ADK: variants seen among roughly 807,000 people sequenced by gnomAD.
The protein encoded by ADK is N6,N6-dimethyladenosine kinase.
A neutral mutation model predicts 44.7 loss-of-function variants in ADK; 24 were observed. That is an observed-to-expected ratio of 0.54 (90% confidence interval 0.39 to 0.76). The LOEUF (loss-of-function observed/expected upper bound fraction) is 0.76, where lower values mean the gene tolerates loss of function less well. ADK is among the 30% of genes least tolerant of loss of function. The pLI, the probability that ADK is intolerant of heterozygous loss-of-function variation, is 0.00. For synonymous variants in ADK, 128 were observed against 142.6 expected, an observed-to-expected ratio of 0.90 and a Z score of 0.73; for missense variants, 321 against 425.1, an observed-to-expected ratio of 0.76 and a Z score of 2.15.
chr10:74,422,267 T>G (rs1844582118), intron 6 of ADK, among the ~76,000 whole-genome samples: 1 of 152,200 alleles, frequency 6.6e-6, no homozygotes, highest in Non-Finnish European at 1.5e-5. Context: ...AAATCCCAAC[T>G]GATGGACATT....
rs1217069795 is a variant in ADK at position 74,191,809 on chromosome 10, G to A, written c.66-8955G>A. Among the ~76,000 whole-genome samples, 5 of 152,136 alleles carry A rather than the reference G, an allele frequency of 3.3e-5. No homozygotes were observed. The South Asian group carries it at 6.2e-4, about 19-fold the overall frequency. On this transcript the variant is annotated intron_variant, in intron 1 of 10. Coordinates refer to ENST00000539909, the MANE Select transcript of ADK (RefSeq NM_006721.4). ...TGTATATACTGTTTTTAATTGAGGA[G>A]GTGGTGGTGTATAGTTCTATAAAGT...
chr10:74,335,922 A>G (rs974665561), intron 4 of ADK, among the ~76,000 whole-genome samples: 2 of 152,148 alleles, frequency 1.3e-5, no homozygotes, highest in Non-Finnish European at 2.9e-5. Flanking sequence ...TGTTCTGCAG[A>G]CAAGACTTAT....
chr10:74,623,422 T>C (rs889779213), intron 9 of ADK, among the ~76,000 whole-genome samples: 4 of 152,124 alleles, frequency 2.6e-5, no homozygotes, highest in African/African-American at 7.2e-5. Context: ...ATCTTTATCC[T>C]ACTAAACTAC....
chr10:74,693,779 T>A (rs1856073134), intron 10 of ADK, among the ~76,000 whole-genome samples: 1 of 152,142 alleles, frequency 6.6e-6, no homozygotes, highest in Admixed American at 6.5e-5. Context: ...ATACAGGAAA[T>A]AGTGATGATT....
chr10:74,706,059 T>A (rs757066644), intron 10 of ADK, among the ~76,000 whole-genome samples: 1 of 152,172 alleles, frequency 6.6e-6, no homozygotes, highest in Non-Finnish European at 1.5e-5. Flanking sequence ...CTTAGCCAAG[T>A]GTGGTAACTT....
chr10:74,189,315 GT>G (rs1309429097), intron 1 of ADK, among the ~76,000 whole-genome samples: 2 of 152,004 alleles, frequency 1.3e-5, no homozygotes, highest in Non-Finnish European at 2.9e-5. Flanking sequence ...TTGACATATT[GT>G]GTACATATCT....
intron 9 of ADK, among the ~76,000 whole-genome samples, chr10:74,633,789 T>C (rs1021965784): frequency 1.3e-5 from 2 of 152,216 alleles, no homozygotes; most frequent in African/African-American, 4.8e-5. Context: ...CTTGAGTACA[T>C]TTCCTATTTT....
At chr10:74,459,453 G>A (rs997394925) in intron 6 of ADK, among the ~76,000 whole-genome samples, 1 of 151,822 alleles carries the variant, frequency 6.6e-6, no homozygotes, top group Non-Finnish European at 1.5e-5. Flanking sequence ...AGGCTCAGCC[G>A]GGTGCGGTGG....
At chr10:74,572,787 G>A (rs961714840) in intron 7 of ADK, among the ~76,000 whole-genome samples, 2 of 152,072 alleles carry the variant, frequency 1.3e-5, no homozygotes, top group Non-Finnish European at 2.9e-5. Context: ...TCTTCCAGTT[G>A]ATCGAATCGG....
chr10:74,280,564 C>A (rs1846897971), intron 3 of ADK, among the ~76,000 whole-genome samples: 1 of 152,132 alleles, frequency 6.6e-6, no homozygotes, highest in Non-Finnish European at 1.5e-5. Flanking sequence ...TACCCCTATG[C>A]CCAGCTCTAA....
intron 1 of ADK, among the ~76,000 whole-genome samples, chr10:74,193,995 G>A (rs568550839): frequency 5.2e-4 from 79 of 152,240 alleles, no homozygotes; most frequent in Non-Finnish European, 9.7e-4. Flanking sequence ...CTGAGCAGGA[G>A]GGAATGAATA....
chr10:74,424,944 A>G (rs887403761), intron 6 of ADK, among the ~76,000 whole-genome samples: 1 of 151,996 alleles, frequency 6.6e-6, no homozygotes, highest in African/African-American at 2.4e-5. Context: ...TATTAAACTT[A>G]TTTTCTATTT....
At chr10:74,674,748 G>T (rs934534104) in intron 10 of ADK, among the ~76,000 whole-genome samples, 10 of 152,122 alleles carry the variant, frequency 6.6e-5, no homozygotes. Flanking sequence ...CGGGCATGGC[G>T]TTGCATGCCT....
chr10:74,218,723 T>G (rs1564600070), intron 2 of ADK, among the ~76,000 whole-genome samples: 1 of 152,154 alleles, frequency 6.6e-6, no homozygotes, highest in Non-Finnish European at 1.5e-5. Context: ...TCAACATTCT[T>G]AAAGAAAAGA....
intron 7 of ADK, among the ~76,000 whole-genome samples, chr10:74,573,301 G>A (rs1851041431): frequency 6.6e-6 from 1 of 152,184 alleles, no homozygotes; most frequent in African/African-American, 2.4e-5. Context: ...ATCAGCAGCG[G>A]TGGCTGCAGA....
intron 9 of ADK, among the ~76,000 whole-genome samples, chr10:74,651,214 AT>A (rs201490565): frequency 0.011 from 1,633 of 150,496 alleles, 28 homozygotes; most frequent in African/African-American, 0.038. Flanking sequence ...CAGGGTCTTA[AT>A]TTTTTTTTTA....
chr10:74,246,938 C>A (rs1265030295), intron 3 of ADK, among the ~76,000 whole-genome samples: 1 of 151,682 alleles, frequency 6.6e-6, no homozygotes, highest in Non-Finnish European at 1.5e-5. Context: ...TGAATTTATT[C>A]TTAAAATAAT....
chr10:74,377,493 T>C (rs1352425637), intron 4 of ADK, among the ~76,000 whole-genome samples: 1 of 152,200 alleles, frequency 6.6e-6, no homozygotes, highest in East Asian at 1.9e-4. Context: ...GAATGGAGAC[T>C]TAACATTAAA....
intron 7 of ADK, among the ~76,000 whole-genome samples, chr10:74,526,300 T>C (rs1250085051): frequency 2.0e-5 from 3 of 152,232 alleles, no homozygotes; most frequent in Non-Finnish European, 4.4e-5. Context: ...TCTTCCATTC[T>C]AAATTATGGA....
Sources: allele counts gnomAD v4.1 joint callset (sites outside exome capture counted in the v4.1 genomes callset), GRCh38; gene constraint gnomAD v4.1.1; transcripts MANE v1.5; gene names NCBI Gene and HGNC (gene_info 2026-07-23, HGNC 2026-07-21).